Variants in DPP6 observed in about 807,000 individuals in gnomAD.
DPP6 encodes the protein dipeptidyl peptidase like 6.
Under a neutral mutation model 122.6 loss-of-function variants are expected in DPP6, and 69 were observed. That is an observed-to-expected ratio of 0.56 (90% CI 0.46 to 0.69). The LOEUF (loss-of-function observed/expected upper bound fraction) is 0.69, where lower values mean the gene tolerates loss of function less well. Among genes scored for constraint, DPP6 ranks in the 30% least tolerant of loss-of-function variants. DPP6 has a pLI of 0.00. For synonymous variants in DPP6, 418 were observed against 433.1 expected, an observed-to-expected ratio of 0.97 and a Z score of 0.43; for missense variants, 928 against 1,116.9, an observed-to-expected ratio of 0.83 and a Z score of 2.41.
the DPP6 span, among the ~76,000 whole-genome samples, chr7:153,848,276 T>G: frequency 1.2e-5 from 1 of 80,664 alleles, no homozygotes; most frequent in Non-Finnish European, 2.4e-5. Context: ...CCCACCCCAG[T>G]CCTCACCCCG....
intron 1 of DPP6, among the ~76,000 whole-genome samples, chr7:153,907,332 C>G (rs1799892864): frequency 1.3e-5 from 2 of 152,132 alleles, no homozygotes; most frequent in Admixed American, 6.6e-5. Flanking sequence ...CAAATCACAG[C>G]TGGATTGTTC....
intron 1 of DPP6, among the ~76,000 whole-genome samples, chr7:154,434,084 G>T (rs1563664549): frequency 6.6e-6 from 1 of 152,266 alleles, no homozygotes; most frequent in East Asian, 1.9e-4. Flanking sequence ...AAGACATTGG[G>T]TCATAAAATA....
At chr7:153,861,737 T>C in the DPP6 span, among the ~76,000 whole-genome samples, 112 of 152,288 alleles carry the variant, frequency 7.4e-4, no homozygotes, top group African/African-American at 2.5e-3. Context: ...GATAAAGAGA[T>C]GTTTACTCAT....
chr7:153,753,554 G>A, the DPP6 span, among the ~76,000 whole-genome samples: 1 of 151,674 alleles, frequency 6.6e-6, no homozygotes, highest in Admixed American at 6.6e-5. Flanking sequence ...TAATCGTTTT[G>A]TCTGAGGGTA....
At chr7:154,595,187 T>A in intron 5 of DPP6, among the ~76,000 whole-genome samples, 1 of 152,138 alleles carries the variant, frequency 6.6e-6, no homozygotes, top group Non-Finnish European at 1.5e-5. Flanking sequence ...CCTCTCCATC[T>A]TCCCCTTCTC....
chr7:153,874,252 GCA>G, the DPP6 span, among the ~76,000 whole-genome samples: 5,019 of 150,024 alleles, frequency 0.033, 208 homozygotes, highest in African/African-American at 0.11. Flanking sequence ...GTGCGCACAT[GCA>G]CACACACACA....
At chr7:154,550,216 G>A (rs1829529592) in intron 4 of DPP6, among the ~76,000 whole-genome samples, 1 of 152,114 alleles carries the variant, frequency 6.6e-6, no homozygotes, top group Admixed American at 6.5e-5. Context: ...TTACTTCCTT[G>A]TTAACCATTT....
At chr7:154,696,530 C>T (rs1275330953) in intron 7 of DPP6, among the ~76,000 whole-genome samples, 3 of 152,146 alleles carry the variant, frequency 2.0e-5, no homozygotes, top group Non-Finnish European at 2.9e-5. Context: ...TTTCTTTGAC[C>T]CCACTACAGA....
At chr7:154,329,711 A>G (rs1023908743) in intron 1 of DPP6, among the ~76,000 whole-genome samples, 26 of 152,238 alleles carry the variant, frequency 1.7e-4, no homozygotes, top group East Asian at 3.8e-4. Context: ...AAATCATTCT[A>G]TAAGGACACT....
intron 1 of DPP6, among the ~76,000 whole-genome samples, chr7:153,918,809 G>A (rs928154536): frequency 9.2e-5 from 14 of 151,714 alleles, no homozygotes; most frequent in African/African-American, 2.7e-4. Context: ...GTGAAACCCC[G>A]TCTCTACTAA....
chr7:154,832,195 G>T (rs1800683090), intron 16 of DPP6, among the ~76,000 whole-genome samples: 1 of 152,188 alleles, frequency 6.6e-6, no homozygotes, highest in African/African-American at 2.4e-5. Flanking sequence ...CGAACTGGGT[G>T]CTTGAGATCG....
intron 7 of DPP6, among the ~76,000 whole-genome samples, chr7:154,721,240 G>C (rs1841788342): frequency 6.6e-6 from 1 of 152,214 alleles, no homozygotes; most frequent in African/African-American, 2.4e-5. Context: ...TGCTGCGTAA[G>C]GTCCAATCCT....
At chr7:154,772,747 G>A (rs1235164889) in intron 9 of DPP6, 98 bp from the exon 10 acceptor site, 7 of 1,509,326 alleles carry the variant, frequency 4.6e-6, no homozygotes, top group Non-Finnish European at 6.3e-6. Context: ...GTGTCCTGGA[G>A]TCCCACCTCG....
At chr7:154,100,115 G>A (rs1169094172) in intron 1 of DPP6, among the ~76,000 whole-genome samples, 3 of 110,926 alleles carry the variant, frequency 2.7e-5, no homozygotes, top group Non-Finnish European at 5.4e-5. Context: ...TGAAATAAAT[G>A]TATGAATCTG....
chr7:154,492,778 C>T (rs1824394416), intron 3 of DPP6, among the ~76,000 whole-genome samples: 1 of 152,162 alleles, frequency 6.6e-6, no homozygotes, highest in Non-Finnish European at 1.5e-5. Context: ...CCTACACCAT[C>T]CTACAAGGAG....
chr7:154,572,174 A>T (rs955462723), intron 5 of DPP6, among the ~76,000 whole-genome samples: 1 of 152,152 alleles, frequency 6.6e-6, no homozygotes. Flanking sequence ...TTTTCCTGCC[A>T]TCGTGGTGAG....
At chr7:154,302,979 TTTTG>T (rs35973279) in intron 1 of DPP6, among the ~76,000 whole-genome samples, 11 of 151,384 alleles carry the variant, frequency 7.3e-5, no homozygotes, top group Admixed American at 5.3e-4. Flanking sequence ...GTTTTAGTTT[TTTTG>T]TTTGTTTGTT....
rs1837591272 is a variant in DPP6 at position 154,660,608 on chromosome 7, C to T, written c.681-8752C>T. ...TGTTCATATAGTCATGGTGAATCACCATGGCATATTGGCCGTAGTGTTCAT... is the reference window on the plus strand; with the variant it reads ...TGTTCATATAGTCATGGTGAATCACTATGGCATATTGGCCGTAGTGTTCAT... On this transcript the variant is annotated intron_variant, in intron 6 of 25. Coordinates refer to ENST00000377770, the MANE Select transcript of DPP6 (RefSeq NM_130797.4). Among the ~76,000 whole-genome samples the T allele has an allele frequency of 1.5e-5, 2 of 135,808 alleles. 1 individual carries two copies. Among genetic ancestry groups the T allele is most frequent in the African/African-American group, 6.0e-5 (2 of 33,368 alleles). The allele number at this position is 135,808 out of a possible 152,430, so 89.1% of individuals were successfully genotyped here.
chr7:154,680,839 C>A lies in DPP6; in HGVS notation c.762+11398C>A, dbSNP rs74785897. 2.1e-3 allele frequency among the ~76,000 whole-genome samples: 326 copies of A among 152,228 alleles called. 2 individuals are homozygous for A. The highest frequency in any genetic ancestry group is 0.016 in the Admixed American group (241 of 15,290). ...CCAAACATGAATAAGCCGCCCATCA[C>A]CCTCCGGGGATCACAGTGCCGTTAA... On this transcript the variant is annotated intron_variant, in intron 7 of 25. Transcript: ENST00000377770.
Sources: allele counts gnomAD v4.1 joint callset (sites outside exome capture counted in the v4.1 genomes callset), GRCh38; gene constraint gnomAD v4.1.1; transcripts MANE v1.5; gene names NCBI Gene and HGNC (gene_info 2026-07-23, HGNC 2026-07-21).